LARGE1: variants seen among roughly 807,000 people sequenced by gnomAD.
The protein encoded by LARGE1 is LARGE xylosyl- and glucuronyltransferase 1.
In LARGE1, 43 loss-of-function variants were observed where a neutral mutation model predicts 87.6. That is an observed-to-expected ratio of 0.49 (90% CI 0.38 to 0.63). The LOEUF (loss-of-function observed/expected upper bound fraction) is 0.63, where lower values mean the gene tolerates loss of function less well. Ranked by LOEUF, LARGE1 falls within the 30% of genes least tolerant of loss-of-function variation. The pLI is 0.00. For synonymous variants in LARGE1, 434 were observed against 394.6 expected, an observed-to-expected ratio of 1.10 and a Z score of -1.18; for missense variants, 802 against 1,000.2, an observed-to-expected ratio of 0.80 and a Z score of 2.67.
intron 7 of LARGE1, among the ~76,000 whole-genome samples, chr22:33,395,226 C>CAAAAAAA (rs3071528): frequency 0.086 from 5,284 of 61,322 alleles, 448 homozygotes; most frequent in Admixed American, 0.16. Context: ...GACTCTGCCT[C>CAAAAAAA]AAAAAAAAAA....
intron 10 of LARGE1, among the ~76,000 whole-genome samples, chr22:33,328,815 G>A (rs1168211050): frequency 6.6e-6 from 1 of 152,046 alleles, no homozygotes; most frequent in African/African-American, 2.4e-5. Context: ...TGGCTTTAGA[G>A]TTAGGTAGAC....
At chr22:33,183,696 A>G (rs1457035154) in intron 11 of LARGE1, among the ~76,000 whole-genome samples, 1 of 151,764 alleles carries the variant, frequency 6.6e-6, no homozygotes, top group Non-Finnish European at 1.5e-5. Context: ...GATGGCATCG[A>G]TTGCTCTGGA....
chr22:33,289,490 C>G (rs1432000388), intron 12 of LARGE1, among the ~76,000 whole-genome samples: 1 of 152,166 alleles, frequency 6.6e-6, no homozygotes, highest in East Asian at 1.9e-4. Flanking sequence ...GAGCCCAAAG[C>G]AGTGCCTGAC....
intron 1 of LARGE1, among the ~76,000 whole-genome samples, chr22:33,901,272 T>C (rs552145439): frequency 1.6e-4 from 24 of 152,102 alleles, no homozygotes; most frequent in African/African-American, 5.8e-4. Flanking sequence ...TCCAGACACC[T>C]TGGCTTTGGA....
chr22:33,209,964 A>C (rs1165777199), intron 11 of LARGE1, among the ~76,000 whole-genome samples: 1 of 152,138 alleles, frequency 6.6e-6, no homozygotes, highest in Non-Finnish European at 1.5e-5. Context: ...TCTTAATCTT[A>C]ATCTTGGCTC....
At chr22:33,098,616 G>A in the LARGE1 span, among the ~76,000 whole-genome samples, 28 of 152,136 alleles carry the variant, frequency 1.8e-4, no homozygotes, top group East Asian at 1.5e-3. Flanking sequence ...GCAAGACTCC[G>A]TCTCAAAAAA....
At chr22:33,511,073 T>C (rs1031070448) in intron 6 of LARGE1, among the ~76,000 whole-genome samples, 5 of 152,206 alleles carry the variant, frequency 3.3e-5, no homozygotes, top group Non-Finnish European at 7.3e-5. Context: ...CTTCCTGTTT[T>C]ACTGATGGGC....
At chr22:33,880,606 T>G (rs1469995006) in intron 1 of LARGE1, among the ~76,000 whole-genome samples, 2 of 152,170 alleles carry the variant, frequency 1.3e-5, no homozygotes, top group Non-Finnish European at 2.9e-5. Flanking sequence ...TTCTGGTCAT[T>G]TCAGTGAAGC....
chr22:33,895,624 C>A (rs1253196493), intron 1 of LARGE1, among the ~76,000 whole-genome samples: 1 of 152,200 alleles, frequency 6.6e-6, no homozygotes, highest in Non-Finnish European at 1.5e-5. Flanking sequence ...GCAGGGGTCA[C>A]CCTCTGCTCC....
intron 2 of LARGE1, among the ~76,000 whole-genome samples, chr22:33,667,436 C>A (rs1016652996): frequency 6.6e-6 from 1 of 152,190 alleles, no homozygotes. Flanking sequence ...AGCCATTACT[C>A]CCAGGAGAAA....
At chr22:33,141,914 A>G in the LARGE1 span, among the ~76,000 whole-genome samples, 2 of 152,176 alleles carry the variant, frequency 1.3e-5, no homozygotes, top group Non-Finnish European at 2.9e-5. Flanking sequence ...TACATTTTTT[A>G]TATTTGAATA....
At chr22:33,634,323 G>T (rs1346653134) in intron 3 of LARGE1, among the ~76,000 whole-genome samples, 2 of 152,196 alleles carry the variant, frequency 1.3e-5, no homozygotes, top group Non-Finnish European at 2.9e-5. Flanking sequence ...CTGGAGTGGA[G>T]CCTGAGAATA....
intron 11 of LARGE1, among the ~76,000 whole-genome samples, chr22:33,247,968 C>T (rs1301887630): frequency 2.6e-5 from 4 of 152,190 alleles, no homozygotes; most frequent in Non-Finnish European, 5.9e-5. Context: ...CCCTGAATCA[C>T]AGATAAATTT....
chr22:33,632,669 T>C (rs192440795), intron 3 of LARGE1, among the ~76,000 whole-genome samples: 54 of 152,116 alleles, frequency 3.5e-4, no homozygotes, highest in African/African-American at 1.3e-3. Flanking sequence ...CCCCTAAGCA[T>C]GCAAGCAGTA....
chr22:33,568,753 C>T (rs899532337), intron 5 of LARGE1, among the ~76,000 whole-genome samples: 7 of 115,118 alleles, frequency 6.1e-5, no homozygotes, highest in African/African-American at 1.6e-4. Context: ...GCAACAAAAG[C>T]GAAACTCAGT....
At chr22:33,640,130 C>T (rs142722291) in intron 3 of LARGE1, among the ~76,000 whole-genome samples, 3 of 152,198 alleles carry the variant, frequency 2.0e-5, no homozygotes, top group Admixed American at 6.5e-5. Flanking sequence ...AACCAAAAAG[C>T]GCTGTGATGA....
intron 2 of LARGE1, among the ~76,000 whole-genome samples, chr22:33,757,732 CT>C (rs1408102407): frequency 1.3e-5 from 2 of 152,178 alleles, no homozygotes; most frequent in African/African-American, 4.8e-5. Flanking sequence ...AACTCTGCCC[CT>C]TATTTATGGC....
chr22:33,396,181 C>T (rs981679885), intron 7 of LARGE1, among the ~76,000 whole-genome samples: 1 of 152,210 alleles, frequency 6.6e-6, no homozygotes, highest in Non-Finnish European at 1.5e-5. Flanking sequence ...CTCTGGGGAG[C>T]GTGCAGACTC....
In LARGE1 at chr22:33,626,421, T is replaced by A; in HGVS notation, c.409-95A>T. The A allele has an allele frequency of 3.2e-6, 3 of 931,302 alleles. 1 individual carries two copies. In the South Asian group the frequency reaches 4.1e-5, roughly 13 times the overall value. 57.7% of individuals were successfully genotyped at this position (931,302 alleles called of 1,614,324 possible). A position where few individuals can be genotyped will look rare whatever the true frequency, so the allele number is the denominator to read the frequency against. On this transcript the variant is annotated intron_variant, in intron 3 of 14. Transcript: ENST00000397394. The stretch of plus-strand genomic sequence containing the variant: ...CACTAGAAAGAAAAATTGCCCTGAT[T>A]TCTTGTTGGCATCATTAGAAAACAA...
Sources: allele counts gnomAD v4.1 joint callset (sites outside exome capture counted in the v4.1 genomes callset), GRCh38; gene constraint gnomAD v4.1.1; transcripts MANE v1.5; gene names NCBI Gene and HGNC (gene_info 2026-07-23, HGNC 2026-07-21).